Variants in EIF2B3 observed in about 807,000 individuals in gnomAD.
EIF2B3 encodes the protein translation initiation factor eIF2B subunit gamma.
A neutral mutation model predicts 54.1 loss-of-function variants in EIF2B3; 20 were observed. The ratio of observed to expected loss-of-function variants is 0.37; its 90% CI spans 0.26 to 0.54. EIF2B3 has a LOEUF of 0.54. Ranked by LOEUF, EIF2B3 falls within the 20% of genes least tolerant of loss-of-function variation. The pLI is 0.86. For synonymous variants in EIF2B3, 153 were observed against 188.1 expected (o/e 0.81, Z 1.52); for missense variants, 448 against 547.8 (o/e 0.82, Z 1.82).
At chr1:44,972,133 A>T (rs1482277505) in intron 3 of EIF2B3, among the ~76,000 whole-genome samples, 1 of 152,012 alleles carries the variant, frequency 6.6e-6, no homozygotes, top group Non-Finnish European at 1.5e-5. Flanking sequence ...TCATACTTGT[A>T]ATCCCAGCAC....
At chr1:44,887,172 T>C (rs1171125205) in intron 6 of EIF2B3, among the ~76,000 whole-genome samples, 2 of 152,204 alleles carry the variant, frequency 1.3e-5, no homozygotes, top group Admixed American at 1.3e-4. Context: ...GAAACTTGAG[T>C]GGGTCCAGGA....
At chr1:44,984,795 A>ATTT (rs1557718636) in intron 1 of EIF2B3, among the ~76,000 whole-genome samples, 3 of 80,468 alleles carry the variant, frequency 3.7e-5, no homozygotes, top group African/African-American at 2.6e-4. Flanking sequence ...AATAATGTCC[A>ATTT]TCTTTTTTTT....
intron 3 of EIF2B3, among the ~76,000 whole-genome samples, chr1:44,957,972 A>G (rs1344459216): frequency 6.6e-6 from 1 of 152,250 alleles, no homozygotes; most frequent in East Asian, 1.9e-4. Flanking sequence ...CCCACTTGTA[A>G]GAATTTATCA....
At chr1:44,867,025 A>G (rs1312720235) in intron 10 of EIF2B3, among the ~76,000 whole-genome samples, 1 of 152,230 alleles carries the variant, frequency 6.6e-6, no homozygotes, top group Non-Finnish European at 1.5e-5. Context: ...CAGGGCAGTC[A>G]GTCAGTTGAG....
intron 3 of EIF2B3, among the ~76,000 whole-genome samples, chr1:44,961,027 A>T (rs1000726819): frequency 6.6e-6 from 1 of 150,690 alleles, no homozygotes; most frequent in African/African-American, 2.5e-5. Context: ...ACAATGAGGT[A>T]CTATGTAGCT....
chr1:44,864,382 T>C (rs938461471), intron 10 of EIF2B3, among the ~76,000 whole-genome samples: 9 of 151,888 alleles, frequency 5.9e-5, no homozygotes, highest in African/African-American at 1.5e-4. Flanking sequence ...CTGGCCAACA[T>C]AGCAAACCCC....
intron 5 of EIF2B3, among the ~76,000 whole-genome samples, chr1:44,915,564 A>G (rs1365288026): frequency 6.6e-6 from 1 of 151,946 alleles, no homozygotes; most frequent in Non-Finnish European, 1.5e-5. Flanking sequence ...AGGTCCTGCT[A>G]TGTTGCCCAG....
intron 10 of EIF2B3, among the ~76,000 whole-genome samples, chr1:44,870,424 G>A (rs945978641): frequency 2.0e-5 from 3 of 151,824 alleles, no homozygotes; most frequent in Non-Finnish European, 2.9e-5. Flanking sequence ...CACTCTTTCC[G>A]TAACTGGAAA....
chr1:44,906,312 TG>T (rs1643409409), intron 5 of EIF2B3, among the ~76,000 whole-genome samples: 1 of 152,198 alleles, frequency 6.6e-6, no homozygotes, highest in African/African-American at 2.4e-5. Flanking sequence ...GGTTCCAAGC[TG>T]GTTGTGTAGG....
rs920191237 is a variant in EIF2B3 at position 44,981,001 on chromosome 1, C to T, written c.148+20G>A. The stretch of plus-strand genomic sequence containing the variant: ...TCCTAAAAGTTTTATGAGTTCACAG[C>T]TCACTTTGTCATAGCTCACCTTCAA... On this transcript the variant is annotated intron_variant, in intron 2 of 11. Transcript: ENST00000360403. 1 of 1,613,592 alleles carries T rather than the reference C, an allele frequency of 6.2e-7. No homozygotes were observed. The highest frequency in any genetic ancestry group is 1.3e-5 in the African/African-American group (1 of 74,802).
chr1:44,910,525 T>C (rs1643489783), intron 5 of EIF2B3, among the ~76,000 whole-genome samples: 1 of 152,080 alleles, frequency 6.6e-6, no homozygotes, highest in African/African-American at 2.4e-5. Flanking sequence ...TAGTACTGAC[T>C]GATGACTAGC....
chr1:44,876,530 G>A (rs1229128112), intron 8 of EIF2B3, among the ~76,000 whole-genome samples: 20 of 81,518 alleles, frequency 2.5e-4, no homozygotes, highest in Non-Finnish European at 4.2e-4. Context: ...TCTGGGAAGT[G>A]AGGAGCGTCT....
chr1:44,912,229 A>T (rs1399348763), intron 5 of EIF2B3, among the ~76,000 whole-genome samples: 2 of 152,226 alleles, frequency 1.3e-5, no homozygotes. Flanking sequence ...TGATGGATGC[A>T]TGTGAGTCAG....
intron 5 of EIF2B3, among the ~76,000 whole-genome samples, chr1:44,923,038 G>A (rs1232898884): frequency 1.3e-5 from 2 of 151,580 alleles, no homozygotes; most frequent in Non-Finnish European, 2.9e-5. Flanking sequence ...TTTGCTGTTA[G>A]CATATAGAAA....
At chr1:44,875,539 C>T in intron 9 of EIF2B3, 79 bp downstream of exon 9, 1 of 1,400,654 alleles carries the variant, frequency 7.1e-7, no homozygotes, top group Non-Finnish European at 1.0e-6. Context: ...ACTTAAAGGC[C>T]TCAATCCGGC....
At chr1:44,983,847 C>T (rs888937831) in intron 1 of EIF2B3, among the ~76,000 whole-genome samples, 1 of 151,950 alleles carries the variant, frequency 6.6e-6, no homozygotes, top group African/African-American at 2.4e-5. Flanking sequence ...GCTGGGATTA[C>T]AGGCATCCGC....
chr1:44,952,614 G>A (rs1430843942), intron 3 of EIF2B3, among the ~76,000 whole-genome samples: 2 of 148,854 alleles, frequency 1.3e-5, no homozygotes, highest in African/African-American at 2.5e-5. Context: ...GTGCAGTGGC[G>A]TGATGTCGGC....
intron 4 of EIF2B3, among the ~76,000 whole-genome samples, chr1:44,931,246 G>A (rs1002052737): frequency 7.9e-5 from 12 of 152,172 alleles, no homozygotes; most frequent in African/African-American, 2.9e-4. Context: ...TGGAAACTGA[G>A]GTTCAGTCCA....
At chr1:44,958,656 G>A in intron 3 of EIF2B3, 2 of 1,591,960 alleles carry the variant, frequency 1.3e-6, no homozygotes, top group South Asian at 1.1e-5. Flanking sequence ...CATATTCTGT[G>A]ATCAGCATGG....
Sources: allele counts gnomAD v4.1 joint callset (sites outside exome capture counted in the v4.1 genomes callset), GRCh38; gene constraint gnomAD v4.1.1; transcripts MANE v1.5; gene names NCBI Gene and HGNC (gene_info 2026-07-23, HGNC 2026-07-21).